SDK2: variants seen among roughly 807,000 people sequenced by gnomAD.
SDK2 encodes the protein sidekick cell adhesion molecule 2, also known as protein sidekick-2.
SDK2 carries 105 observed loss-of-function variants against 253.9 expected under a neutral mutation model. The observed-to-expected ratio is 0.41, with a 90% CI of 0.35 to 0.49. The LOEUF (loss-of-function observed/expected upper bound fraction) is 0.49, where lower values mean the gene tolerates loss of function less well. Among genes scored for constraint, SDK2 ranks in the 20% least tolerant of loss-of-function variants. The probability of loss-of-function intolerance (pLI) is 0.06; values close to 1 mark genes in which losing one functional copy is unlikely to be tolerated. For synonymous variants in SDK2, 1,249 were observed against 1,234.9 expected (o/e 1.01, Z -0.24); for missense variants, 2,608 against 3,003.0 (o/e 0.87, Z 3.07).
Position 73,401,842 on chromosome 17 carries a change from G to T in SDK2, c.2681-90C>A, listed in dbSNP as rs1237609977. 2.1e-6 allele frequency: 3 copies of T among 1,409,550 alleles called. No homozygotes were observed. In the Admixed American group the frequency reaches 6.0e-5, roughly 28 times the overall value. The allele number at this position is 1,409,550 out of a possible 1,614,324, so 87.3% of individuals were successfully genotyped here. A position where few individuals can be genotyped will look rare whatever the true frequency, so the allele number is the denominator to read the frequency against. Reference sequence around the variant, plus strand: ...TGAGATAGCCTGTGGTAATCTGGGGGTATCTCAGCCTGGGAGACAAGCCTG... The same window carrying T: ...TGAGATAGCCTGTGGTAATCTGGGGTTATCTCAGCCTGGGAGACAAGCCTG... On this transcript the variant is annotated intron_variant, in intron 19 of 44. Coordinates refer to ENST00000392650, the MANE Select transcript of SDK2 (RefSeq NM_001144952.2).
chr17:73,472,089 C>T lies in SDK2; in HGVS notation c.331+23G>A, dbSNP rs751522543. On this transcript the variant is annotated intron_variant, in intron 3 of 44. Coordinates refer to ENST00000392650, the MANE Select transcript of SDK2 (RefSeq NM_001144952.2). Reference sequence around the variant, plus strand: ...CTGGCACCACAGTCGCCCCCCCTGCCCCTGGGTCCCCATTGTACTCACAGG... The same window carrying T: ...CTGGCACCACAGTCGCCCCCCCTGCTCCTGGGTCCCCATTGTACTCACAGG... 10 of 1,528,468 alleles carry T rather than the reference C, an allele frequency of 6.5e-6. No individual in the cohort carries two copies. In the Admixed American group the frequency reaches 9.8e-5, roughly 15 times the overall value. The allele number at this position is 1,528,468 out of a possible 1,614,324, so 94.7% of individuals were successfully genotyped here.
At chr17:73,434,023 G>A (rs1234056359) in intron 9 of SDK2, among the ~76,000 whole-genome samples, 175 bp from the exon 10 acceptor site, 4 of 152,194 alleles carry the variant, frequency 2.6e-5, no homozygotes, top group Non-Finnish European at 5.9e-5. Flanking sequence ...GTGTTTGGAA[G>A]AAGCCCGGAG....
At chr17:73,498,222 C>A (rs1226336545) in intron 2 of SDK2, among the ~76,000 whole-genome samples, 2 of 152,170 alleles carry the variant, frequency 1.3e-5, no homozygotes, top group African/African-American at 4.8e-5. Context: ...CTGACACGAG[C>A]ACCTCCTTCT....
intron 2 of SDK2, among the ~76,000 whole-genome samples, chr17:73,480,888 C>A (rs2063718604): frequency 6.6e-6 from 1 of 152,176 alleles, no homozygotes; most frequent in Admixed American, 6.5e-5. Context: ...AGCCAGGGCA[C>A]CTCAGGAACA....
intron 1 of SDK2, among the ~76,000 whole-genome samples, chr17:73,550,532 G>A (rs1271746808): frequency 1.3e-5 from 2 of 152,070 alleles, no homozygotes; most frequent in African/African-American, 2.4e-5. Flanking sequence ...TCAGGGTGGC[G>A]GTGGAAGGGC....
chr17:73,428,262 C>T (rs1303625093), intron 12 of SDK2, among the ~76,000 whole-genome samples: 1 of 152,166 alleles, frequency 6.6e-6, no homozygotes, highest in Non-Finnish European at 1.5e-5. Context: ...GACGGGGTTT[C>T]ACCATGTTGG....
chr17:73,534,297 G>T lies in SDK2; in HGVS notation c.65-26700C>A, dbSNP rs1414123412. Reference sequence around the variant, plus strand: ...AGCGGGTCCGCTGCTGGGGGAAGGGGAGTGGCATTAAATAGCTGGCGGCAG... The same window carrying T: ...AGCGGGTCCGCTGCTGGGGGAAGGGTAGTGGCATTAAATAGCTGGCGGCAG... On this transcript the variant is annotated intron_variant, in intron 1 of 44. Transcript: ENST00000392650. The surrounding 1 kb of genome is among the most constrained non-coding windows in gnomAD (Gnocchi z 4.9). 6.6e-6 allele frequency among the ~76,000 whole-genome samples: 1 copy of T among 152,228 alleles called. No individual in the cohort carries two copies. Among genetic ancestry groups the T allele is most frequent in the African/African-American group, 2.4e-5 (1 of 41,464 alleles).
intron 1 of SDK2, among the ~76,000 whole-genome samples, chr17:73,628,694 T>C (rs1266553971): frequency 6.6e-6 from 1 of 152,236 alleles, no homozygotes; most frequent in Non-Finnish European, 1.5e-5. Context: ...AGTGGCCGTC[T>C]GTGCTGCTCA....
intron 18 of SDK2, among the ~76,000 whole-genome samples, chr17:73,413,555 C>CT (rs888914767): frequency 1.3e-5 from 2 of 152,146 alleles, no homozygotes; most frequent in African/African-American, 4.8e-5. Flanking sequence ...GCAATCCAGT[C>CT]TGTGGTACTT....
Position 73,379,631 on chromosome 17 carries a change from G to T in SDK2, c.4763-82C>A. On this transcript the variant is annotated intron_variant, in intron 34 of 44. Transcript: ENST00000392650. The surrounding 1 kb of genome is among the most constrained non-coding windows in gnomAD (Gnocchi z 4.5). ...GGTGTCCCCAGGGAGGGTGGAGGCT[G>T]CAGGGGGAGGAATGAGGCACCCCCG... The T allele has an allele frequency of 1.2e-6, 1 of 801,640 alleles. No individual in the cohort carries two copies. Among genetic ancestry groups the T allele is most frequent in the Non-Finnish European group, 2.0e-6 (1 of 490,598 alleles). The allele number at this position is 801,640 out of a possible 1,614,324, so 49.7% of individuals were successfully genotyped here. A position where few individuals can be genotyped will look rare whatever the true frequency, so the allele number is the denominator to read the frequency against.
Position 73,398,421 on chromosome 17 carries a change from C to T in SDK2, c.3102G>A (p.Val1034=). The T allele has an allele frequency of 6.2e-7, 1 of 1,613,688 alleles. No individual in the cohort carries two copies. Among genetic ancestry groups the T allele is most frequent in the Non-Finnish European group, 8.5e-7 (1 of 1,179,686 alleles). ...SRWLVEAQVG[V]VGEGEEWLLI... ...GCAACCACTCCTCTCCCTCCCCAAC[C>T]ACGCCTACCTGGAAAAGGGCAGGAT... Residue 1034 remains valine, a synonymous_variant, in exon 23 of 45, where the codon GTG becomes GTA. Transcript: ENST00000392650.
At chr17:73,551,263 A>G (rs1024831660) in intron 1 of SDK2, among the ~76,000 whole-genome samples, 3 of 152,084 alleles carry the variant, frequency 2.0e-5, no homozygotes, top group African/African-American at 7.2e-5. Context: ...ATAAATGCCC[A>G]CACGCTCCCA....
rs115476023 is a variant in SDK2 at position 73,534,579 on chromosome 17, C to T, written c.65-26982G>A. 0.014 allele frequency among the ~76,000 whole-genome samples: 2,113 copies of T among 152,098 alleles called. 53 individuals are homozygous for T. The highest frequency in any genetic ancestry group is 0.047 in the African/African-American group (1,965 of 41,474). ...TGGGAAGATGCACAGAGGCAGAGCGCGAGACCAGCAAGGCAGCAGGGAAGG... is the reference window on the plus strand; with the variant it reads ...TGGGAAGATGCACAGAGGCAGAGCGTGAGACCAGCAAGGCAGCAGGGAAGG... On this transcript the variant is annotated intron_variant, in intron 1 of 44. Coordinates refer to ENST00000392650, the MANE Select transcript of SDK2 (RefSeq NM_001144952.2). This position sits in a 1 kb window ranked among gnomAD's most constrained non-coding sequence, Gnocchi z 4.9.
chr17:73,361,663 C>T lies in SDK2; in HGVS notation c.5467+21G>A. On this transcript the variant is annotated intron_variant, in intron 39 of 44. Coordinates refer to ENST00000392650, the MANE Select transcript of SDK2 (RefSeq NM_001144952.2). The surrounding 1 kb of genome is among the most constrained non-coding windows in gnomAD (Gnocchi z 4.1). ...GCTGAACCGCCGTGTGGAAGACATG[C>T]CTGGTCCGTTGCTCTCCTACCTTCT... The T allele has an allele frequency of 2.5e-6, 4 of 1,602,936 alleles. No homozygotes were observed. Among genetic ancestry groups the T allele is most frequent in the Non-Finnish European group, 3.4e-6 (4 of 1,170,920 alleles).
In SDK2 at chr17:73,605,863, C is replaced by T. The variant is rs145956429; in HGVS notation, c.64+38162G>A. Reference sequence around the variant, plus strand: ...GTGACTGGCAGATCGGTAGTCCCTTCTCTGGACTCAGCCTCCTGCTCTTCA... The same window carrying T: ...GTGACTGGCAGATCGGTAGTCCCTTTTCTGGACTCAGCCTCCTGCTCTTCA... On this transcript the variant is annotated intron_variant, in intron 1 of 44. Coordinates refer to ENST00000392650, the MANE Select transcript of SDK2 (RefSeq NM_001144952.2). 3.3e-4 allele frequency among the ~76,000 whole-genome samples: 51 copies of T among 152,284 alleles called. 1 individual carries two copies. Among genetic ancestry groups the T allele is most frequent in the South Asian group, 2.1e-3 (10 of 4,818 alleles).
At chr17:73,440,780 G>A in intron 6 of SDK2, 32 bp downstream of exon 6, 1 of 1,462,082 alleles carries the variant, frequency 6.8e-7, no homozygotes, top group Non-Finnish European at 9.4e-7. Context: ...TGGAGTTACG[G>A]GTGCGGGAGC....
At chr17:73,640,435 T>TC (rs2046384860) in intron 1 of SDK2, among the ~76,000 whole-genome samples, 1 of 151,214 alleles carries the variant, frequency 6.6e-6, no homozygotes, top group African/African-American at 2.4e-5. Context: ...TGTTCCGGAC[T>TC]CCCCCGCGGA....
At chr17:73,357,899 T>C (rs752242400) in intron 40 of SDK2, 180 bp downstream of exon 40, 1 of 927,386 alleles carries the variant, frequency 1.1e-6, no homozygotes, top group South Asian at 1.3e-5. Context: ...TAGCTAGGAG[T>C]CCAGCTCTAG....
chr17:73,410,308 T>A (rs2063115123), intron 18 of SDK2, among the ~76,000 whole-genome samples: 1 of 151,818 alleles, frequency 6.6e-6, no homozygotes, highest in Admixed American at 6.6e-5. Flanking sequence ...TATTCCTTTT[T>A]GTTTTTGTTT....
Sources: gnomAD v4.1 joint callset for allele counts (sites outside exome capture counted in the v4.1 genomes callset) on GRCh38, gnomAD v4.1.1 for gene constraint, Gnocchi (gnomAD v3.1) non-coding constraint, MANE v1.5 for transcripts, NCBI Gene and HGNC (gene_info 2026-07-23, HGNC 2026-07-21) for gene names.